CEACAM21: variants seen among roughly 807,000 people sequenced by gnomAD.
CEACAM21 encodes cell adhesion molecule CEACAM21.
In CEACAM21, 38 loss-of-function variants were observed where a neutral mutation model predicts 33.2. The ratio of observed to expected loss-of-function variants is 1.14; its 90% CI spans 0.88 to 1.50. The LOEUF is 1.50. Ranked by LOEUF, CEACAM21 falls within the 40% of genes most tolerant of loss-of-function variation. The pLI, the probability that CEACAM21 is intolerant of heterozygous loss-of-function variation, is 0.00. For missense variants in CEACAM21, 385 were observed against 364.6 expected, an observed-to-expected ratio of 1.06 and a Z score of -0.46; for synonymous variants, 156 against 143.0, an observed-to-expected ratio of 1.09 and a Z score of -0.65.
chr19:41,573,121 T>C (rs532720333), upstream of CEACAM21, among the ~76,000 whole-genome samples: 2 of 152,306 alleles, frequency 1.3e-5, no homozygotes, highest in South Asian at 2.1e-4. Context: ...GGTCCCTTCC[T>C]TGTGCAAAGG....
chr19:41,574,955 T>A (rs78552688), upstream of CEACAM21, among the ~76,000 whole-genome samples: 2 of 152,102 alleles, frequency 1.3e-5, no homozygotes, highest in African/African-American at 2.4e-5. Flanking sequence ...CATTAAGAGA[T>A]GAATGAATTA....
chr19:41,555,994 A>G (rs782488615), intron 1 of CEACAM21, among the ~76,000 whole-genome samples: 1 of 152,230 alleles, frequency 6.6e-6, no homozygotes, highest in Non-Finnish European at 1.5e-5. Context: ...GCAATCAGCC[A>G]AGATGAAATA....
chr19:41,568,938 A>C (rs2042428970), intron 2 of CEACAM21, among the ~76,000 whole-genome samples: 1 of 152,206 alleles, frequency 6.6e-6, no homozygotes, highest in Non-Finnish European at 1.5e-5. Flanking sequence ...TGAACATGGA[A>C]TATCTTCTAT....
chr19:41,564,471 G>T (rs537261696), intron 1 of CEACAM21, among the ~76,000 whole-genome samples: 10 of 152,030 alleles, frequency 6.6e-5, no homozygotes, highest in African/African-American at 2.4e-4. Flanking sequence ...CCACCTTACC[G>T]CCAGGGAACT....
chr19:41,584,289 C>T, intron 3 of CEACAM21, 58 bp from the exon 4 acceptor site: 1 of 1,459,774 alleles, frequency 6.9e-7, no homozygotes, highest in South Asian at 1.2e-5. Flanking sequence ...CTGCAAGGCC[C>T]CTCATGGTTC....
chr19:41,551,129 GC>G (rs1253243247), intron 1 of CEACAM21: 7 of 146,816 alleles, frequency 4.8e-5, no homozygotes, highest in African/African-American at 1.8e-4. Flanking sequence ...ATGCAATGTT[GC>G]CTCATGATTT....
At chr19:41,586,344 G>A in intron 6 of CEACAM21, 120 bp from the exon 7 acceptor site, 1 of 602,996 alleles carries the variant, frequency 1.7e-6, no homozygotes, top group Non-Finnish European at 3.2e-6. Flanking sequence ...CCTGGGAGCA[G>A]GAACCCCCTG....
chr19:41,556,189 G>C (rs2041511225), intron 1 of CEACAM21, among the ~76,000 whole-genome samples: 1 of 152,252 alleles, frequency 6.6e-6, no homozygotes, highest in African/African-American at 2.4e-5. Context: ...GGAAGGTAAA[G>C]AAGGGAAAAG....
chr19:41,569,770 C>A (rs929754808), intron 2 of CEACAM21, among the ~76,000 whole-genome samples: 9 of 152,124 alleles, frequency 5.9e-5, no homozygotes, highest in Admixed American at 5.2e-4. Context: ...CCAGGGGAAT[C>A]TATGATTCCA....
chr19:41,584,605 C>T (rs1279448802), intron 4 of CEACAM21, among the ~76,000 whole-genome samples, 162 bp downstream of exon 4: 1 of 152,176 alleles, frequency 6.6e-6, no homozygotes, highest in African/African-American at 2.4e-5. Context: ...CAGCTGCTGA[C>T]CCTGGGCTGC....
chr19:41,584,190 G>A (rs182930831), intron 3 of CEACAM21, among the ~76,000 whole-genome samples, 157 bp from the exon 4 acceptor site: 44 of 152,188 alleles, frequency 2.9e-4, no homozygotes, highest in African/African-American at 1.0e-3. Context: ...GTGCAACCAC[G>A]GAGAGCAAGG....
Position 41,585,348 on chromosome 19 carries a change from C to T in CEACAM21, c.798-95C>T. The T allele has an allele frequency of 2.3e-6, 3 of 1,332,972 alleles. No individual in the cohort carries two copies. The South Asian group carries it at 3.6e-5, about 16-fold the overall frequency. 82.6% of individuals were successfully genotyped at this position (1,332,972 alleles called of 1,614,324 possible). ...ATAAAGAAAGGAGGTCTCCATACCC[C>T]TCTTGGAAATAGGCTCCTTTCCTGG... On this transcript the variant is annotated intron_variant, in intron 4 of 6. Coordinates refer to ENST00000401445, the MANE Select transcript of CEACAM21 (RefSeq NM_001098506.4).
At chr19:41,575,097 C>T (rs1318795862), upstream of CEACAM21, among the ~76,000 whole-genome samples, 3 of 152,078 alleles carry the variant, frequency 2.0e-5, no homozygotes, top group South Asian at 4.1e-4. Context: ...AAATAATACA[C>T]GTATATAATT....
At chr19:41,575,999 G>A (rs980802625), upstream of CEACAM21, among the ~76,000 whole-genome samples, 1 of 152,124 alleles carries the variant, frequency 6.6e-6, no homozygotes, top group African/African-American at 2.4e-5. Flanking sequence ...CCCCATCAGC[G>A]TTGCTTCTCA....
At chr19:41,572,714 G>A (rs1449092429), upstream of CEACAM21, among the ~76,000 whole-genome samples, 1 of 152,126 alleles carries the variant, frequency 6.6e-6, no homozygotes, top group African/African-American at 2.4e-5. Flanking sequence ...TCCAGCATGT[G>A]CACTGTGAGC....
chr19:41,584,413 T>A lies in CEACAM21; in HGVS notation c.767T>A (p.Val256Glu). ...LVGSLLVAAL[V>E]CFLLLRKTGR... ...GGGAGTCTTCTGGTGGCTGCACTTGTGTGTTTCCTGCTCCTCCGAAAAACT... is the reference window on the plus strand; with the variant it reads ...GGGAGTCTTCTGGTGGCTGCACTTGAGTGTTTCCTGCTCCTCCGAAAAACT... Residue 256 changes from valine (V) to glutamate (E), a missense_variant, in exon 4 of 7, where the codon GTG (valine) becomes GAG (glutamate). Transcript: ENST00000401445. 6.2e-7 allele frequency: 1 copy of A among 1,609,502 alleles called. No individual in the cohort carries two copies. Among genetic ancestry groups the A allele is most frequent in the South Asian group, 1.1e-5 (1 of 90,226 alleles).
In CEACAM21 at chr19:41,586,548, C is replaced by G; in HGVS notation, c.*85C>G. ...TTCTTAGGTTCCTCTGGGAGCTGCT[C>G]CTGTGGGTTGATGGAGCGTCCCTGA... On this transcript the variant is annotated 3_prime_UTR_variant, in exon 7 of 7. Transcript: ENST00000401445. 1 of 632,570 alleles carries G rather than the reference C, an allele frequency of 1.6e-6. No individual in the cohort carries two copies. The highest frequency in any genetic ancestry group is 3.0e-6 in the Non-Finnish European group (1 of 329,448). 39.2% of individuals were successfully genotyped at this position (632,570 alleles called of 1,614,324 possible).
At chr19:41,582,728 G>T (rs1273078467) in intron 3 of CEACAM21, among the ~76,000 whole-genome samples, 2 of 152,184 alleles carry the variant, frequency 1.3e-5, no homozygotes, top group Non-Finnish European at 2.9e-5. Context: ...CTGGGATGCA[G>T]GGCACCAAGT....
intron 2 of CEACAM21, among the ~76,000 whole-genome samples, chr19:41,568,124 A>G (rs2042382196): frequency 1.3e-5 from 2 of 152,078 alleles, no homozygotes; most frequent in South Asian, 2.1e-4. Flanking sequence ...ACTATACAGA[A>G]ACATAATTTT....
Sources: allele counts gnomAD v4.1 joint callset (sites outside exome capture counted in the v4.1 genomes callset), GRCh38; gene constraint gnomAD v4.1.1; transcripts MANE v1.5; gene names NCBI Gene and HGNC (gene_info 2026-07-23, HGNC 2026-07-21).